Variants in FSD2 observed in about 807,000 individuals in gnomAD.
The protein encoded by FSD2 is fibronectin type III and SPRY domain-containing protein 2.
A neutral mutation model predicts 80.4 loss-of-function variants in FSD2; 71 were observed. The observed-to-expected ratio is 0.88, with a 90% CI of 0.73 to 1.08. The LOEUF is 1.08. FSD2 is among the 50% of genes least tolerant of loss of function. The probability of loss-of-function intolerance (pLI) is 0.00; values close to 1 mark genes in which losing one functional copy is unlikely to be tolerated. For missense variants in FSD2, 923 were observed against 913.8 expected (o/e 1.01, Z -0.13); for synonymous variants, 361 against 329.5 (o/e 1.10, Z -1.03).
intron 6 of FSD2, among the ~76,000 whole-genome samples, chr15:82,775,870 C>G (rs2049703824): frequency 6.6e-6 from 1 of 152,122 alleles, no homozygotes. Flanking sequence ...TTAAAATTCC[C>G]TTTTGATTTC....
chr15:82,783,341 C>T (rs1389016933), intron 3 of FSD2, among the ~76,000 whole-genome samples: 5 of 152,176 alleles, frequency 3.3e-5, no homozygotes, highest in African/African-American at 7.2e-5. Context: ...TCAAGTGATC[C>T]GCCTGCCTCA....
intron 4 of FSD2, 65 bp downstream of exon 4, chr15:82,782,730 C>T (rs751849367): frequency 6.9e-5 from 94 of 1,361,180 alleles, no homozygotes; most frequent in Non-Finnish European, 9.3e-5. Context: ...CCATAACTGT[C>T]GTTTCCGTTT....
intron 6 of FSD2, among the ~76,000 whole-genome samples, chr15:82,772,594 A>C (rs2049609982): frequency 6.6e-6 from 1 of 152,214 alleles, no homozygotes; most frequent in Admixed American, 6.5e-5. Flanking sequence ...GCAGAGACAA[A>C]GAAGCCTTCA....
chr15:82,755,369 A>G lies in FSD2; in HGVS notation c.*3979T>C, dbSNP rs189887883. The stretch of plus-strand genomic sequence containing the variant: ...GCAAGATTAGAATCCAAGTTCATAT[A>G]CCAAAACATTTTTATTTGCTATGTC... On this transcript the variant is annotated 3_prime_UTR_variant, in exon 13 of 13. Transcript: ENST00000334574. 1 of 152,302 alleles carries G rather than the reference A, an allele frequency of 6.6e-6. No individual in the cohort carries two copies. The highest frequency in any genetic ancestry group is 1.9e-4 in the East Asian group (1 of 5,172). 9.4% of individuals were successfully genotyped at this position (152,302 alleles called of 1,614,324 possible).
rs769762172 is a variant in FSD2, at chr15:82,800,691, C to CAAAAAAAAAAAAAAA, written c.-79+5260_-79+5274dup. ...TGGGGGATAGAGCGAGATTCTGTCT[C>CAAAAAAAAAAAAAAA]AAAAAAAAAAAAAAAAAAAAAAGCC... On this transcript the variant is annotated intron_variant, in intron 1 of 12. Transcript: ENST00000334574. Among the ~76,000 whole-genome samples the CAAAAAAAAAAAAAAA allele has an allele frequency of 3.1e-4, 15 of 47,818 alleles. 2 individuals carry two copies. The highest frequency in any genetic ancestry group is 4.5e-4 in the Non-Finnish European group (13 of 28,674). The allele number at this position is 47,818 out of a possible 152,430, so 31.4% of individuals were successfully genotyped here.
At chr15:82,792,935 G>T (rs1490939591) in intron 1 of FSD2, among the ~76,000 whole-genome samples, 1 of 152,032 alleles carries the variant, frequency 6.6e-6, no homozygotes, top group African/African-American at 2.4e-5. Context: ...TTGGTATCAG[G>T]GTAATATGTC....
At chr15:82,795,373 C>T (rs574596443) in intron 1 of FSD2, among the ~76,000 whole-genome samples, 8 of 151,918 alleles carry the variant, frequency 5.3e-5, no homozygotes, top group South Asian at 2.1e-4. Context: ...TAATATAACA[C>T]GCCCCCAAAG....
chr15:82,774,913 G>A (rs955275266), intron 6 of FSD2, among the ~76,000 whole-genome samples: 3 of 150,848 alleles, frequency 2.0e-5, no homozygotes, highest in South Asian at 2.1e-4. Context: ...GTAGAGACGG[G>A]GTTTCACCAT....
intron 11 of FSD2, among the ~76,000 whole-genome samples, chr15:82,762,573 C>T (rs1448356230): frequency 6.6e-6 from 1 of 152,134 alleles, no homozygotes; most frequent in Non-Finnish European, 1.5e-5. Context: ...AGGTTTGGTT[C>T]ACTTGTTCAT....
chr15:82,787,416 AC>A lies in FSD2; in HGVS notation c.-27del, dbSNP rs2050030091. On this transcript the variant is annotated 5_prime_UTR_variant, in exon 2 of 13. Transcript: ENST00000334574. ...TGTAACTCTGGAAGTCCTCAGAAGC[AC>A]CTTTATATAAGAAAGATCCTTCCTG... 1 of 1,558,060 alleles carries A rather than the reference AC, an allele frequency of 6.4e-7. No homozygotes were observed. Among genetic ancestry groups the A allele is most frequent in the Non-Finnish European group, 8.7e-7 (1 of 1,154,640 alleles).
Position 82,762,200 on chromosome 15 carries a change from G to A in FSD2, c.1899C>T (p.Asp633=). The change falls in exon 12 of 13, where the codon GAC becomes GAT. Residue 633 remains aspartate, a synonymous_variant. Coordinates refer to ENST00000334574, the MANE Select transcript of FSD2 (RefSeq NM_001007122.4). ...YWEVEVDEHL[D]YRVGVAFADV... ...CTGCAAAGGCCACACCAACTCTGTAGTCCAAATGCTCATCCACCTCCACCT... is the reference window on the plus strand; with the variant it reads ...CTGCAAAGGCCACACCAACTCTGTAATCCAAATGCTCATCCACCTCCACCT... 6.2e-7 allele frequency: 1 copy of A among 1,613,872 alleles called. No homozygotes were observed. The highest frequency in any genetic ancestry group is 8.5e-7 in the Non-Finnish European group (1 of 1,179,842).
chr15:82,780,940 G>A (rs2049841955), intron 4 of FSD2, among the ~76,000 whole-genome samples: 1 of 152,064 alleles, frequency 6.6e-6, no homozygotes, highest in African/African-American at 2.4e-5. Context: ...GGAGGCTGAG[G>A]CAGGAGGATC....
chr15:82,774,365 C>A lies in FSD2; in HGVS notation c.1112-2137G>T, dbSNP rs76783948. 2.8e-3 allele frequency among the ~76,000 whole-genome samples: 434 copies of A among 152,318 alleles called. 2 individuals are homozygous for A. The highest frequency in any genetic ancestry group is 0.01 in the African/African-American group (419 of 41,568). ...TGCTGGGATCACAGGCATGAGCCAGCACGTCTGGCCAACAATAATACTTTA... is the reference window on the plus strand; with the variant it reads ...TGCTGGGATCACAGGCATGAGCCAGAACGTCTGGCCAACAATAATACTTTA... On this transcript the variant is annotated intron_variant, in intron 6 of 12. Coordinates refer to ENST00000334574, the MANE Select transcript of FSD2 (RefSeq NM_001007122.4).
At chr15:82,767,225 G>C (rs1423796547) in intron 9 of FSD2, among the ~76,000 whole-genome samples, 1 of 152,220 alleles carries the variant, frequency 6.6e-6, no homozygotes, top group Non-Finnish European at 1.5e-5. Context: ...TGGTAACCAA[G>C]ACAAGTTGAT....
At chr15:82,786,632 GGTATTAAT>G in intron 2 of FSD2, 26 bp from the exon 3 acceptor site, 2 of 1,607,856 alleles carry the variant, frequency 1.2e-6, no homozygotes, top group Non-Finnish European at 1.7e-6. Context: ...TCACAAAGAA[GGTATTAAT>G]GTTACATCTT....
intron 12 of FSD2, among the ~76,000 whole-genome samples, chr15:82,761,684 TA>T (rs1245514962): frequency 1.7e-4 from 26 of 150,356 alleles, no homozygotes; most frequent in African/African-American, 9.7e-5. Context: ...TTTATTTTAT[TA>T]TTTTTTTTTT....
In FSD2 at chr15:82,759,343, A is replaced by G. The variant is rs2049234503; in HGVS notation, c.*5T>C. ...GGAAGACAGGAAACTGGACATCAGA[A>G]TGTTCTAATAGAAAGTGACATGTTT... On this transcript the variant is annotated 3_prime_UTR_variant, in exon 13 of 13. Transcript: ENST00000334574. The G allele has an allele frequency of 6.8e-6, 11 of 1,611,846 alleles. No individual in the cohort carries two copies. The East Asian group carries it at 2.2e-4, about 33-fold the overall frequency.
At chr15:82,781,909 C>G (rs1379473334) in intron 4 of FSD2, among the ~76,000 whole-genome samples, 1 of 146,064 alleles carries the variant, frequency 6.8e-6, no homozygotes. Flanking sequence ...AAAAAAAATA[C>G]AAAAATTAGC....
chr15:82,768,517 A>G (rs910859076), intron 9 of FSD2, among the ~76,000 whole-genome samples: 8 of 152,228 alleles, frequency 5.3e-5, no homozygotes, highest in African/African-American at 1.7e-4. Flanking sequence ...TGTCAGCCCC[A>G]TTAGGGCAGG....
Sources: gnomAD v4.1 joint callset for allele counts (sites outside exome capture counted in the v4.1 genomes callset) on GRCh38, gnomAD v4.1.1 for gene constraint, MANE v1.5 for transcripts, NCBI Gene and HGNC (gene_info 2026-07-23, HGNC 2026-07-21) for gene names.